Variants in MYO10 observed in about 807,000 individuals in gnomAD.
MYO10 encodes the protein unconventional myosin-X.
In MYO10, 133 loss-of-function variants were observed where a neutral mutation model predicts 257.3. The observed-to-expected ratio is 0.52, with a 90% CI of 0.45 to 0.60. The LOEUF (loss-of-function observed/expected upper bound fraction) is 0.60, where lower values mean the gene tolerates loss of function less well. Ranked by LOEUF, MYO10 falls within the 20% of genes least tolerant of loss-of-function variation. MYO10 has a pLI of 0.00. For missense variants in MYO10, 2,399 were observed against 2,635.7 expected (o/e 0.91, Z 1.97); for synonymous variants, 1,104 against 1,028.6 (o/e 1.07, Z -1.40).
chr5:16,685,876 A>C (rs1737232149), intron 28 of MYO10, 45 bp from the exon 29 acceptor site: 1 of 1,478,750 alleles, frequency 6.8e-7, no homozygotes, highest in African/African-American at 1.4e-5. Flanking sequence ...CCAACCTCGT[A>C]CTGGCAAAGC....
In MYO10 at chr5:16,681,834, C is replaced by G. The variant is rs751014476; in HGVS notation, c.4189+37G>C. 3 of 1,605,964 alleles carry G rather than the reference C, an allele frequency of 1.9e-6. No homozygotes were observed. In the East Asian group the frequency reaches 6.7e-5, roughly 36 times the overall value. ...TCTATATGCAAATGGAAAGGGGAGT[C>G]TGTTAAGCAGACCGAGGAAGCAGGG... On this transcript the variant is annotated intron_variant, in intron 31 of 40. Transcript: ENST00000513610.
At chr5:16,862,360 G>A (rs1008685811) in intron 2 of MYO10, among the ~76,000 whole-genome samples, 1 of 152,090 alleles carries the variant, frequency 6.6e-6, no homozygotes, top group African/African-American at 2.4e-5. Flanking sequence ...CAAATAACAG[G>A]CCTAAAAAAT....
At chr5:16,712,726 T>C (rs1462902668) in intron 19 of MYO10, among the ~76,000 whole-genome samples, 2 of 152,224 alleles carry the variant, frequency 1.3e-5, no homozygotes, top group African/African-American at 2.4e-5. Flanking sequence ...GTGGGCTGAC[T>C]TCTCTCATAT....
At chr5:16,860,111 G>A (rs1044654155) in intron 2 of MYO10, among the ~76,000 whole-genome samples, 5 of 152,158 alleles carry the variant, frequency 3.3e-5, no homozygotes, top group African/African-American at 7.2e-5. Context: ...AACTCACAAC[G>A]TGGAAGAAGC....
At chr5:16,690,907 A>G (rs1460607213) in intron 27 of MYO10, among the ~76,000 whole-genome samples, 3 of 152,140 alleles carry the variant, frequency 2.0e-5, no homozygotes. Flanking sequence ...GGATCAGACC[A>G]GAGATAGTAA....
At chr5:16,750,736 A>G (rs910504564) in intron 19 of MYO10, among the ~76,000 whole-genome samples, 11 of 152,098 alleles carry the variant, frequency 7.2e-5, no homozygotes, top group African/African-American at 2.4e-5. Flanking sequence ...TGGCTCACAC[A>G]TGTAATCCCA....
Position 16,835,826 on chromosome 5 carries a change from AT to A in MYO10, c.121-17660del, listed in dbSNP as rs748630595. Among the ~76,000 whole-genome samples, 1,098 of 151,794 alleles carry A rather than the reference AT, an allele frequency of 7.2e-3. 14 individuals are homozygous for A. Among genetic ancestry groups the A allele is most frequent in the Non-Finnish European group, 0.011 (726 of 67,938 alleles). ...AAAAGTCTTTAAAAAAAAAAAAGAC[AT>A]TTTTGATAACAAAAACATTAATATC... is the stretch of plus-strand genomic sequence containing the variant. On this transcript the variant is annotated intron_variant, in intron 2 of 40. Coordinates refer to ENST00000513610, the MANE Select transcript of MYO10 (RefSeq NM_012334.3).
intron 19 of MYO10, among the ~76,000 whole-genome samples, chr5:16,731,034 T>TATGTACTAGCATTGAA (rs1430005214): frequency 3.3e-5 from 5 of 149,332 alleles, no homozygotes; most frequent in African/African-American, 1.0e-4. Flanking sequence ...CTAGCATTGA[T>TATGTACTAGCATTGAA]CAAAACACAC....
At chr5:16,761,645 G>GAAAT in intron 16 of MYO10, 99 bp from the exon 17 acceptor site, 1 of 897,382 alleles carries the variant, frequency 1.1e-6, no homozygotes, top group Non-Finnish European at 1.8e-6. Flanking sequence ...ATCATTCCAA[G>GAAAT]AAATTTATTT....
At chr5:16,747,633 T>TA (rs1467155201) in intron 19 of MYO10, among the ~76,000 whole-genome samples, 2 of 151,964 alleles carry the variant, frequency 1.3e-5, no homozygotes, top group African/African-American at 4.8e-5. Context: ...TAAAAGAAGA[T>TA]AGAGGCTGGA....
intron 19 of MYO10, among the ~76,000 whole-genome samples, chr5:16,722,739 G>A (rs188523490): frequency 1.3e-3 from 197 of 152,246 alleles, no homozygotes; most frequent in Non-Finnish European, 2.1e-3. Flanking sequence ...AAAACTCCTA[G>A]ATGATAACAT....
chr5:16,935,676 G>C, intron 1 of MYO10, 112 bp downstream of exon 1: 1 of 1,312,660 alleles, frequency 7.6e-7, no homozygotes, highest in Non-Finnish European at 1.1e-6. Flanking sequence ...GAGACTCCCA[G>C]AAAGTTGCGC....
At chr5:16,684,383 C>A (rs1389902527) in intron 29 of MYO10, among the ~76,000 whole-genome samples, 3 of 152,124 alleles carry the variant, frequency 2.0e-5, no homozygotes, top group Admixed American at 6.5e-5. Flanking sequence ...GCTAGGACTA[C>A]AGGTGTGGGC....
intron 10 of MYO10, 27 bp downstream of exon 10, chr5:16,769,047 G>A (rs767823487): frequency 4.4e-6 from 7 of 1,585,788 alleles, no homozygotes; most frequent in Middle Eastern, 1.8e-4. Context: ...CAAAGGGAGC[G>A]AGGAGGGCAG....
At chr5:16,930,463 A>C (rs1411061392) in intron 1 of MYO10, among the ~76,000 whole-genome samples, 1 of 152,218 alleles carries the variant, frequency 6.6e-6, no homozygotes, top group Non-Finnish European at 1.5e-5. Flanking sequence ...TGGAAATACA[A>C]AATCTGCCAG....
Position 16,703,093 on chromosome 5 carries a change from A to G in MYO10, c.2342T>C (p.Leu781Pro). 6.3e-7 allele frequency: 1 copy of G among 1,584,216 alleles called. No individual in the cohort carries two copies. Among genetic ancestry groups the G allele is most frequent in the Non-Finnish European group, 8.6e-7 (1 of 1,163,714 alleles). Residue 781 changes from leucine to proline, a missense_variant, in exon 23 of 41, where the codon CTG becomes CCG. Coordinates refer to ENST00000513610, the MANE Select transcript of MYO10 (RefSeq NM_012334.3). ...IIQKNYRAFL[L>P]RRRFLHLKKA... ...TTTCAGGTGCAAAAATCTCCTCCTC[A>G]GAAGGAATGCTCTGTAATTCTTCTG... is the stretch of plus-strand genomic sequence containing the variant.
chr5:16,670,408 AAG>A (rs1736391475), intron 39 of MYO10, 116 bp downstream of exon 39: 3 of 878,710 alleles, frequency 3.4e-6, no homozygotes, highest in Admixed American at 2.9e-5. Context: ...GCTCGAATAA[AAG>A]AGGTTGAGAG....
intron 19 of MYO10, among the ~76,000 whole-genome samples, chr5:16,714,526 C>G (rs1738763147): frequency 6.6e-6 from 1 of 152,198 alleles, no homozygotes; most frequent in Non-Finnish European, 1.5e-5. Flanking sequence ...GGAACAAGAG[C>G]ATCCCCAAAT....
intron 39 of MYO10, among the ~76,000 whole-genome samples, chr5:16,669,236 C>T (rs759120969): frequency 2.7e-4 from 41 of 149,676 alleles, no homozygotes; most frequent in Non-Finnish European, 4.7e-4. Flanking sequence ...TTTTTTTTGA[C>T]GGAGTCTCAC....
Sources: gnomAD v4.1 joint callset for allele counts (sites outside exome capture counted in the v4.1 genomes callset) on GRCh38, gnomAD v4.1.1 for gene constraint, MANE v1.5 for transcripts, NCBI Gene and HGNC (gene_info 2026-07-23, HGNC 2026-07-21) for gene names.